CHST8: variants seen among roughly 807,000 people sequenced by gnomAD.
CHST8 encodes GALNAC-4-ST1.
In CHST8, 10 loss-of-function variants were observed where a neutral mutation model predicts 15.0. The observed-to-expected ratio is 0.67, with a 90% CI of 0.41 to 1.13. The LOEUF (loss-of-function observed/expected upper bound fraction) is 1.13. CHST8 is among the 50% of genes most tolerant of loss of function. The pLI is 0.00. For missense variants in CHST8, 634 were observed against 608.2 expected (o/e 1.04, Z -0.45); for synonymous variants, 259 against 256.6 (o/e 1.01, Z -0.09).
intron 3 of CHST8, among the ~76,000 whole-genome samples, chr19:33,703,226 G>A (rs1039857826): frequency 2.6e-5 from 4 of 152,218 alleles, no homozygotes; most frequent in African/African-American, 7.2e-5. Flanking sequence ...TCAGGGCCAA[G>A]GGGGAGGGCC....
intron 1 of CHST8, among the ~76,000 whole-genome samples, chr19:33,626,283 T>C (rs1000342357): frequency 9.9e-5 from 15 of 152,178 alleles, no homozygotes; most frequent in South Asian, 4.1e-4. Context: ...TAGCCTGCAC[T>C]GGCTGGATTC....
intron 1 of CHST8, among the ~76,000 whole-genome samples, chr19:33,636,856 G>A (rs1972210562): frequency 6.6e-6 from 1 of 152,184 alleles, no homozygotes; most frequent in Non-Finnish European, 1.5e-5. Context: ...AGCCGAGATC[G>A]CGCCATTGCA....
intron 3 of CHST8, among the ~76,000 whole-genome samples, chr19:33,708,382 C>T (rs981551211): frequency 1.3e-5 from 2 of 152,112 alleles, no homozygotes; most frequent in African/African-American, 2.4e-5. Flanking sequence ...TCTGTGTCTG[C>T]GGTCCATTTT....
chr19:33,658,580 T>C (rs563771111), intron 1 of CHST8, among the ~76,000 whole-genome samples: 1 of 152,352 alleles, frequency 6.6e-6, no homozygotes, highest in South Asian at 2.1e-4. Flanking sequence ...TAGCACTTTA[T>C]AAAAATATTA....
intron 3 of CHST8, among the ~76,000 whole-genome samples, chr19:33,753,500 C>T (rs1319098390): frequency 1.1e-5 from 1 of 91,132 alleles, no homozygotes; most frequent in Admixed American, 1.1e-4. Context: ...ACCATCCCCC[C>T]TCCATCCTCC....
At chr19:33,714,665 G>A (rs927296531) in intron 3 of CHST8, among the ~76,000 whole-genome samples, 1 of 152,212 alleles carries the variant, frequency 6.6e-6, no homozygotes, top group Non-Finnish European at 1.5e-5. Flanking sequence ...CATGTCCTGG[G>A]AGGGACCCAG....
At chr19:33,679,504 G>C (rs775666352) in intron 2 of CHST8, among the ~76,000 whole-genome samples, 4 of 152,232 alleles carry the variant, frequency 2.6e-5, no homozygotes, top group Non-Finnish European at 5.9e-5. Context: ...GCACACGCAT[G>C]CGTGTCTGTT....
chr19:33,734,688 G>A (rs2145330665), intron 3 of CHST8, among the ~76,000 whole-genome samples: 1 of 152,270 alleles, frequency 6.6e-6, no homozygotes, highest in East Asian at 1.9e-4. Flanking sequence ...CAGGCCAGGA[G>A]GGGCATCACG....
chr19:33,757,226 C>T (rs749895587), intron 3 of CHST8, among the ~76,000 whole-genome samples: 49 of 151,412 alleles, frequency 3.2e-4, no homozygotes, highest in Non-Finnish European at 6.0e-4. Context: ...CCCGTCTTTA[C>T]TGAAAACACA....
intron 3 of CHST8, among the ~76,000 whole-genome samples, chr19:33,742,971 C>T (rs1194346857): frequency 6.6e-6 from 1 of 152,194 alleles, no homozygotes; most frequent in Non-Finnish European, 1.5e-5. Flanking sequence ...CAGCCCTGTC[C>T]TACAGAGGAG....
chr19:33,756,270 C>T (rs980536447), intron 3 of CHST8, among the ~76,000 whole-genome samples: 2 of 152,188 alleles, frequency 1.3e-5, no homozygotes, highest in Non-Finnish European at 2.9e-5. Flanking sequence ...TCAGAGCTAA[C>T]GAGGCTGGCG....
chr19:33,667,707 C>T (rs1480910531), intron 1 of CHST8, 60 bp from the exon 2 acceptor site: 1 of 152,156 alleles, frequency 6.6e-6, no homozygotes, highest in Non-Finnish European at 1.5e-5. Context: ...ATTTGAGAGC[C>T]CAGCTCATTT....
chr19:33,731,727 G>A (rs753165864), intron 3 of CHST8, among the ~76,000 whole-genome samples: 2 of 152,154 alleles, frequency 1.3e-5, no homozygotes, highest in African/African-American at 2.4e-5. Context: ...ATGTGTTTTC[G>A]TGTATGCAAA....
At chr19:33,688,052 G>A (rs368554667) in intron 2 of CHST8, among the ~76,000 whole-genome samples, 3 of 152,170 alleles carry the variant, frequency 2.0e-5, no homozygotes, top group Admixed American at 6.5e-5. Flanking sequence ...TGATCCTCTC[G>A]GCCTAGCCAG....
intron 3 of CHST8, among the ~76,000 whole-genome samples, chr19:33,721,293 G>A (rs1973784838): frequency 6.6e-6 from 1 of 152,178 alleles, no homozygotes; most frequent in East Asian, 1.9e-4. Flanking sequence ...CCAGTCCCCA[G>A]TCCTTCTCCA....
At chr19:33,771,573 T>C in intron 4 of CHST8, 123 bp downstream of exon 4, 1 of 993,764 alleles carries the variant, frequency 1.0e-6, no homozygotes, top group Non-Finnish European at 1.6e-6. Flanking sequence ...GTCCAGCCTT[T>C]CCCAGGAGCC....
intron 2 of CHST8, among the ~76,000 whole-genome samples, chr19:33,677,836 G>C (rs1972829693): frequency 6.6e-6 from 1 of 152,256 alleles, no homozygotes; most frequent in Non-Finnish European, 1.5e-5. Flanking sequence ...GGAATGGTGA[G>C]AGATGAGACT....
chr19:33,639,935 G>A (rs540304423), intron 1 of CHST8, among the ~76,000 whole-genome samples: 125 of 151,648 alleles, frequency 8.2e-4, no homozygotes, highest in African/African-American at 2.7e-3. Context: ...CACCTCCCAG[G>A]TTCAAGTGAT....
At chr19:33,697,783 A>T (rs1178058178) in intron 3 of CHST8, among the ~76,000 whole-genome samples, 1 of 152,100 alleles carries the variant, frequency 6.6e-6, no homozygotes, top group Non-Finnish European at 1.5e-5. Context: ...TGGATAAAGG[A>T]TTGGAGTCCT....
Sources: allele counts gnomAD v4.1 joint callset (sites outside exome capture counted in the v4.1 genomes callset), GRCh38; gene constraint gnomAD v4.1.1; transcripts MANE v1.5; gene names NCBI Gene and HGNC (gene_info 2026-07-23, HGNC 2026-07-21).